SV2B: variants seen among roughly 807,000 people sequenced by gnomAD.
SV2B encodes the protein synaptic vesicle glycoprotein 2B.
Under a neutral mutation model 73.9 loss-of-function variants are expected in SV2B, and 41 were observed. The ratio of observed to expected loss-of-function variants is 0.56; its 90% CI spans 0.43 to 0.72. The LOEUF (loss-of-function observed/expected upper bound fraction) is 0.72. SV2B is among the 30% of genes least tolerant of loss of function. SV2B has a pLI of 0.00. For missense variants in SV2B, 764 were observed against 857.8 expected (o/e 0.89, Z 1.37); for synonymous variants, 314 against 314.2 (o/e 1.00, Z 0.01).
At position 91,275,079 on chromosome 15, in the gene SV2B, C is replaced by T. The variant is rs561892347; in HGVS notation, c.1373+6474C>T. Among the ~76,000 whole-genome samples the T allele has an allele frequency of 5.3e-5, 8 of 152,178 alleles. No homozygotes were observed. The East Asian group carries it at 1.5e-3, about 29-fold the overall frequency. On this transcript the variant is annotated intron_variant, in intron 9 of 12. Transcript: ENST00000394232. ...TTAGGTCTTCCTTTCTCCACCTAAACTGACTCTCTTTATTTTTAAATCCGT... is the reference window on the plus strand; with the variant it reads ...TTAGGTCTTCCTTTCTCCACCTAAATTGACTCTCTTTATTTTTAAATCCGT...
chr15:91,148,624 T>A (rs1398632914), intron 1 of SV2B, among the ~76,000 whole-genome samples: 1 of 152,086 alleles, frequency 6.6e-6, no homozygotes, highest in African/African-American at 2.4e-5. Context: ...AGAAACACAG[T>A]CAATAGGGAA....
chr15:91,114,564 T>C (rs1486156907), intron 1 of SV2B, among the ~76,000 whole-genome samples: 1 of 152,202 alleles, frequency 6.6e-6, no homozygotes, highest in East Asian at 1.9e-4. Flanking sequence ...CCGTTTTTAT[T>C]GACTCAACAC....
At position 91,214,705 on chromosome 15, in the gene SV2B, C is replaced by G. The variant is rs1161781369; in HGVS notation, c.-391-11168C>G. Among the ~76,000 whole-genome samples the G allele has an allele frequency of 6.6e-6, 1 of 152,214 alleles. No individual in the cohort carries two copies. The highest frequency in any genetic ancestry group is 2.4e-5 in the African/African-American group (1 of 41,462). Reference sequence around the variant, plus strand: ...ATCAAAACGAAGTAGGATTGGCAAGCTGCCCATAATTGGTCTTTGTTAGGG... The same window carrying G: ...ATCAAAACGAAGTAGGATTGGCAAGGTGCCCATAATTGGTCTTTGTTAGGG... On this transcript the variant is annotated intron_variant, in intron 1 of 12. Coordinates refer to ENST00000394232, the MANE Select transcript of SV2B (RefSeq NM_001323032.3). The surrounding 1 kb of genome is among the most constrained non-coding windows in gnomAD (Gnocchi z 4.7).
chr15:91,233,767 A>G (rs2141524581), intron 2 of SV2B, among the ~76,000 whole-genome samples: 1 of 152,252 alleles, frequency 6.6e-6, no homozygotes, highest in East Asian at 1.9e-4. Flanking sequence ...TTGCCTTGCA[A>G]GACTTGCTGA....
intron 1 of SV2B, among the ~76,000 whole-genome samples, chr15:91,217,540 T>G (rs1396902952): frequency 1.3e-5 from 2 of 152,132 alleles, no homozygotes; most frequent in South Asian, 2.1e-4. Flanking sequence ...GTTGTGCACA[T>G]GTACCCTAGA....
rs922570910 is a variant in SV2B at position 91,258,614 on chromosome 15, C to G, written c.918+60C>G. The G allele has an allele frequency of 6.2e-7, 1 of 1,606,768 alleles. No individual in the cohort carries two copies. The highest frequency in any genetic ancestry group is 1.3e-5 in the African/African-American group (1 of 74,724). On this transcript the variant is annotated intron_variant, in intron 5 of 12. Transcript: ENST00000394232. This position sits in a 1 kb window ranked among gnomAD's most constrained non-coding sequence, Gnocchi z 4.7. ...CAAAACAGCCACAGGAACCCAGCCT[C>G]GCTTCCTTCTCTCAGCTCCTAGTCC...
At chr15:91,187,036 A>G (rs1193228938) in intron 1 of SV2B, among the ~76,000 whole-genome samples, 1 of 152,348 alleles carries the variant, frequency 6.6e-6, no homozygotes, top group East Asian at 1.9e-4. Context: ...AACATGCTCC[A>G]TTCTTATCAT....
rs1160184557 is a variant in SV2B at position 91,229,225 on chromosome 15, A to T, written c.451+2511A>T. 6.6e-6 allele frequency among the ~76,000 whole-genome samples: 1 copy of T among 151,622 alleles called. No homozygotes were observed. Among genetic ancestry groups the T allele is most frequent in the Non-Finnish European group, 1.5e-5 (1 of 67,952 alleles). On this transcript the variant is annotated intron_variant, in intron 2 of 12. Transcript: ENST00000394232. This position sits in a 1 kb window ranked among gnomAD's most constrained non-coding sequence, Gnocchi z 4.3. ...ATAATGATGTGGGCACTGGAGTCCA[A>T]CCTCTAGGGTTTGGCGACTGGGTAC...
At chr15:91,108,236 G>C (rs1460268701) in intron 1 of SV2B, among the ~76,000 whole-genome samples, 1 of 152,082 alleles carries the variant, frequency 6.6e-6, no homozygotes, top group East Asian at 1.9e-4. Flanking sequence ...TTAGACAAAG[G>C]GACAATAATA....
intron 2 of SV2B, among the ~76,000 whole-genome samples, chr15:91,247,949 TTTA>T (rs569274462): frequency 6.6e-6 from 1 of 152,164 alleles, no homozygotes; most frequent in South Asian, 2.1e-4. Flanking sequence ...TAAGGATATC[TTTA>T]TTATTATTAT....
intron 1 of SV2B, among the ~76,000 whole-genome samples, chr15:91,175,144 C>T (rs573227619): frequency 7.9e-5 from 12 of 152,310 alleles, no homozygotes; most frequent in Admixed American, 7.2e-4. Context: ...TGTAATCTGC[C>T]TGCCTTTGTC....
chr15:91,175,212 G>C (rs1409555940), intron 1 of SV2B, among the ~76,000 whole-genome samples: 3 of 151,796 alleles, frequency 2.0e-5, no homozygotes, highest in Non-Finnish European at 4.4e-5. Context: ...GTCACAAGCT[G>C]ATCTATTGGG....
intron 2 of SV2B, among the ~76,000 whole-genome samples, chr15:91,246,390 T>C (rs573916377): frequency 6.6e-5 from 10 of 152,316 alleles, no homozygotes; most frequent in African/African-American, 2.4e-4. Flanking sequence ...TAAATGTGCA[T>C]TTACTTTGGT....
At chr15:91,183,119 C>T (rs2044645078) in intron 1 of SV2B, among the ~76,000 whole-genome samples, 1 of 152,162 alleles carries the variant, frequency 6.6e-6, no homozygotes, top group Non-Finnish European at 1.5e-5. Context: ...GAGTGATTAA[C>T]ATGGGGACTT....
rs886868934 is a variant in SV2B, at chr15:91,227,215, T to A, written c.451+501T>A. ...AATGTTAGTAGGCTGAATGCCCACA[T>A]ACCCTGGGGATGAATGGTGGGCTTA... is the stretch of plus-strand genomic sequence containing the variant. On this transcript the variant is annotated intron_variant, in intron 2 of 12. Coordinates refer to ENST00000394232, the MANE Select transcript of SV2B (RefSeq NM_001323032.3). This position sits in a 1 kb window ranked among gnomAD's most constrained non-coding sequence, Gnocchi z 4.5. Among the ~76,000 whole-genome samples the A allele has an allele frequency of 3.3e-5, 5 of 152,156 alleles. No homozygotes were observed. The highest frequency in any genetic ancestry group is 5.9e-5 in the Non-Finnish European group (4 of 68,010).
Position 91,266,647 on chromosome 15 carries a change from C to A in SV2B, c.1074C>A (p.Thr358=), listed in dbSNP as rs1489568192. ...TTGAGATCCAAAGTTCAACAGGAAC[C>A]TGGTACCAGCGCTGGCTGGTCAGAT... ...EFIEIQSSTG[T]WYQRWLVRFK... The change falls in exon 7 of 13, where the codon ACC becomes ACA. Residue 358 remains threonine, a synonymous_variant. Transcript: ENST00000394232. The A allele has an allele frequency of 1.5e-5, 24 of 1,614,006 alleles. No homozygotes were observed. The highest frequency in any genetic ancestry group is 1.9e-5 in the Non-Finnish European group (23 of 1,180,010).
rs946729632 is a variant in SV2B, at chr15:91,220,999, G to A, written c.-391-4874G>A. ...CTTCCTCTGCCTCCTGAGGAGCTGG[G>A]ATTACAGGTGTGTGCAACCATGCCT... On this transcript the variant is annotated intron_variant, in intron 1 of 12. Transcript: ENST00000394232. This position sits in a 1 kb window ranked among gnomAD's most constrained non-coding sequence, Gnocchi z 4.1. Among the ~76,000 whole-genome samples, 2 of 152,106 alleles carry A rather than the reference G, an allele frequency of 1.3e-5. No individual in the cohort carries two copies. Among genetic ancestry groups the A allele is most frequent in the Non-Finnish European group, 2.9e-5 (2 of 68,016 alleles).
chr15:91,116,231 C>A (rs1395871560), intron 1 of SV2B, among the ~76,000 whole-genome samples: 1 of 152,112 alleles, frequency 6.6e-6, no homozygotes, highest in African/African-American at 2.4e-5. Flanking sequence ...AAACTGCCTG[C>A]TACTCTGTTT....
rs1402469683 is a variant in SV2B, at chr15:91,229,189, A to G, written c.451+2475A>G. Among the ~76,000 whole-genome samples, 1 of 152,112 alleles carries G rather than the reference A, an allele frequency of 6.6e-6. No homozygotes were observed. Among genetic ancestry groups the G allele is most frequent in the Non-Finnish European group, 1.5e-5 (1 of 68,022 alleles). ...AGACTGCTTCCAACAGAAAGGGAAC[A>G]TGGTATGCTGATAATGATGTGGGCA... On this transcript the variant is annotated intron_variant, in intron 2 of 12. Transcript: ENST00000394232. This position sits in a 1 kb window ranked among gnomAD's most constrained non-coding sequence, Gnocchi z 4.3.
Sources: gnomAD v4.1 joint callset for allele counts (sites outside exome capture counted in the v4.1 genomes callset) on GRCh38, gnomAD v4.1.1 for gene constraint, Gnocchi (gnomAD v3.1) non-coding constraint, MANE v1.5 for transcripts, NCBI Gene and HGNC (gene_info 2026-07-23, HGNC 2026-07-21) for gene names.